KDM5B: variants seen among roughly 807,000 people sequenced by gnomAD.
KDM5B encodes lysine demethylase 5B, also known as lysine-specific demethylase 5B.
A neutral mutation model predicts 193.4 loss-of-function variants in KDM5B; 144 were observed. The observed-to-expected ratio is 0.74, with a 90% CI of 0.65 to 0.86. The LOEUF is 0.86. KDM5B is among the 40% of genes least tolerant of loss of function. The pLI, the probability that KDM5B is intolerant of heterozygous loss-of-function variation, is 0.00. For synonymous variants in KDM5B, 668 were observed against 682.6 expected, an observed-to-expected ratio of 0.98 and a Z score of 0.33; for missense variants, 1,833 against 1,886.9, an observed-to-expected ratio of 0.97 and a Z score of 0.53.
Position 202,747,580 on chromosome 1 carries a change from A to C in KDM5B, c.2017-1257T>G, listed in dbSNP as rs556515850. On this transcript the variant is annotated intron_variant, in intron 14 of 26. Transcript: ENST00000367265. Reference sequence around the variant, plus strand: ...AAGGCACATATTTTTAAAAAAAAAAAAAAAAACAGTATTACTATTTGCAGA... The same window carrying C: ...AAGGCACATATTTTTAAAAAAAAAACAAAAAACAGTATTACTATTTGCAGA... Among the ~76,000 whole-genome samples the C allele has an allele frequency of 1.1e-4, 17 of 151,958 alleles. No individual in the cohort carries two copies. In the East Asian group the frequency reaches 2.5e-3, roughly 22 times the overall value.
intron 1 of KDM5B, among the ~76,000 whole-genome samples, chr1:202,779,170 T>C (rs995273783): frequency 6.6e-6 from 1 of 152,146 alleles, no homozygotes; most frequent in South Asian, 2.1e-4. Context: ...TGTGAATATA[T>C]TAATGAGGAA....
At chr1:202,746,844 T>C (rs556587208) in intron 14 of KDM5B, among the ~76,000 whole-genome samples, 60 of 152,296 alleles carry the variant, frequency 3.9e-4, no homozygotes, top group African/African-American at 1.3e-3. Context: ...TATGAAAGGA[T>C]ATCATTAACT....
At chr1:202,783,152 C>T (rs1341510735) in intron 1 of KDM5B, among the ~76,000 whole-genome samples, 3 of 152,126 alleles carry the variant, frequency 2.0e-5, no homozygotes, top group Non-Finnish European at 4.4e-5. Context: ...TCTTTATAAC[C>T]AGCTACTCAG....
chr1:202,785,649 C>T (rs1265375976), intron 1 of KDM5B, among the ~76,000 whole-genome samples: 4 of 152,122 alleles, frequency 2.6e-5, no homozygotes, highest in African/African-American at 7.2e-5. Context: ...TGGTGGCTCA[C>T]GCCTGTAATC....
At chr1:202,750,817 A>C in intron 12 of KDM5B, 39 bp from the exon 13 acceptor site, 1 of 1,597,400 alleles carries the variant, frequency 6.3e-7, no homozygotes, top group South Asian at 1.1e-5. Context: ...AGTTTCTTAA[A>C]GAGTGACATT....
intron 1 of KDM5B, among the ~76,000 whole-genome samples, chr1:202,779,847 A>ATAAATAAAAAAT (rs199618695): frequency 8.8e-5 from 13 of 147,954 alleles, no homozygotes; most frequent in African/African-American, 3.0e-4. Flanking sequence ...AAATAAATAA[A>ATAAATAAAAAAT]AAATAAAGGA....
chr1:202,736,740 C>T (rs1655112800), intron 20 of KDM5B, among the ~76,000 whole-genome samples: 1 of 151,972 alleles, frequency 6.6e-6, no homozygotes, highest in Non-Finnish European at 1.5e-5. Flanking sequence ...CTCCTGGGTT[C>T]AAGCAATTCT....
chr1:202,745,419 C>T (rs745454062), intron 16 of KDM5B, among the ~76,000 whole-genome samples: 20 of 152,072 alleles, frequency 1.3e-4, no homozygotes, highest in Non-Finnish European at 2.8e-4. Flanking sequence ...ATGACAAGTG[C>T]CAGGGACCTT....
intron 8 of KDM5B, chr1:202,758,772 G>A (rs1327214850): frequency 3.6e-6 from 1 of 277,486 alleles, no homozygotes; most frequent in Non-Finnish European, 6.7e-6. Flanking sequence ...ATTTATAAGA[G>A]GCAGGCTAAA....
intron 11 of KDM5B, among the ~76,000 whole-genome samples, chr1:202,754,568 G>A (rs1038022646): frequency 3.9e-5 from 6 of 152,148 alleles, no homozygotes; most frequent in African/African-American, 1.4e-4. Context: ...GGACACTGTG[G>A]TACCTACTAT....
rs1246672287 is a variant in KDM5B, at chr1:202,725,542, G to T, written c.*3494C>A. On this transcript the variant is annotated 3_prime_UTR_variant, in exon 27 of 27. Transcript: ENST00000367265. ...TGCTGCTTCATAGTCACTAGGAGTT[G>T]AGGGACCCTGACCCTCATACATAGC... 1.3e-5 allele frequency: 2 copies of T among 152,218 alleles called. No individual in the cohort carries two copies. Among genetic ancestry groups the T allele is most frequent in the Non-Finnish European group, 2.9e-5 (2 of 68,044 alleles). 9.4% of individuals were successfully genotyped at this position (152,218 alleles called of 1,614,324 possible).
intron 1 of KDM5B, among the ~76,000 whole-genome samples, chr1:202,784,064 TA>T (rs1657308590): frequency 6.6e-6 from 1 of 152,224 alleles, no homozygotes; most frequent in African/African-American, 2.4e-5. Context: ...GAGAAATGTT[TA>T]AAAAATAAAG....
intron 14 of KDM5B, 70 bp from the exon 15 acceptor site, chr1:202,746,393 A>G: frequency 2.2e-6 from 2 of 929,592 alleles, no homozygotes; most frequent in South Asian, 2.5e-5. Flanking sequence ...ACAAACATGC[A>G]GTAGTACTTG....
In KDM5B at chr1:202,725,717, GTA is replaced by G. The variant is rs1273908885; in HGVS notation, c.*3317_*3318del. On this transcript the variant is annotated 3_prime_UTR_variant, in exon 27 of 27. Coordinates refer to ENST00000367265, the MANE Select transcript of KDM5B (RefSeq NM_006618.5). ...GGCTGACACTAGCATGGACTAGTAT[GTA>G]GTTAGTCTGATAATGAATAACCAGC... The G allele has an allele frequency of 1.3e-5, 2 of 152,228 alleles. No individual in the cohort carries two copies. The highest frequency in any genetic ancestry group is 2.9e-5 in the Non-Finnish European group (2 of 68,040). 9.4% of individuals were successfully genotyped at this position (152,228 alleles called of 1,614,324 possible).
At chr1:202,775,403 G>A (rs911494684) in intron 2 of KDM5B, among the ~76,000 whole-genome samples, 1 of 151,662 alleles carries the variant, frequency 6.6e-6, no homozygotes, top group African/African-American at 2.4e-5. Context: ...TGGGCGTAGT[G>A]GCAGGGGCCT....
chr1:202,743,093 T>C (rs1416575212), intron 16 of KDM5B, among the ~76,000 whole-genome samples: 1 of 152,136 alleles, frequency 6.6e-6, no homozygotes, highest in Non-Finnish European at 1.5e-5. Flanking sequence ...TCCCAGCAAT[T>C]TGCAAGGCCA....
In KDM5B at chr1:202,753,122, G is replaced by A. The variant is rs548631368; in HGVS notation, c.1539-55C>T. 1.5e-5 allele frequency: 22 copies of A among 1,465,476 alleles called. 1 individual carries two copies. The South Asian group carries it at 2.7e-4, about 18-fold the overall frequency. 90.8% of individuals were successfully genotyped at this position (1,465,476 alleles called of 1,614,324 possible). A position where few individuals can be genotyped will look rare whatever the true frequency, so the allele number is the denominator to read the frequency against. ...CTGCAACACCAACACAAACAAAATG[G>A]GTTACCAGTTCATATTTTTCAGACT... On this transcript the variant is annotated intron_variant, in intron 11 of 26. Transcript: ENST00000367265.
chr1:202,753,018 G>T lies in KDM5B; in HGVS notation c.1588C>A (p.Leu530Ile). Residue 530 changes from leucine to isoleucine, a missense_variant, in exon 12 of 27, where the codon CTA becomes ATA. Physicochemically the swap from Leu to Ile is conservative, Grantham distance 5 (BLOSUM62 2). Transcript: ENST00000367265. ...YGVPGYAAEQLENVMKKLAPE... is the reference protein window; with the variant it reads ...YGVPGYAAEQIENVMKKLAPE... Reference sequence around the variant, plus strand: ...GCTAGTTTCTTCATTACATTTTCTAGCTGCTCAGCAGCATACCCTGGGACT... The same window carrying T: ...GCTAGTTTCTTCATTACATTTTCTATCTGCTCAGCAGCATACCCTGGGACT... 1 of 1,614,054 alleles carries T rather than the reference G, an allele frequency of 6.2e-7. No individual in the cohort carries two copies. Among genetic ancestry groups the T allele is most frequent in the Non-Finnish European group, 8.5e-7 (1 of 1,179,976 alleles).
chr1:202,732,666 A>G (rs1220429838), intron 23 of KDM5B, among the ~76,000 whole-genome samples: 1 of 151,728 alleles, frequency 6.6e-6, no homozygotes, highest in African/African-American at 2.4e-5. Context: ...TTTAACTCAT[A>G]TAATCCATGT....
Sources: gnomAD v4.1 joint callset for allele counts (sites outside exome capture counted in the v4.1 genomes callset) on GRCh38, gnomAD v4.1.1 for gene constraint, MANE v1.5 for transcripts, NCBI Gene and HGNC (gene_info 2026-07-23, HGNC 2026-07-21) for gene names.